Variants in ADGRB3 observed in about 807,000 individuals in gnomAD.
ADGRB3 encodes brain-specific angiogenesis inhibitor 3.
A neutral mutation model predicts 193.4 loss-of-function variants in ADGRB3; 37 were observed. The ratio of observed to expected loss-of-function variants is 0.19; its 90% CI spans 0.15 to 0.25. The LOEUF (loss-of-function observed/expected upper bound fraction) is 0.25, where lower values mean the gene tolerates loss of function less well. Among genes scored for constraint, ADGRB3 ranks in the 10% least tolerant of loss-of-function variants. The pLI, the probability that ADGRB3 is intolerant of heterozygous loss-of-function variation, is 1.00. For missense variants in ADGRB3, 1,637 were observed against 1,852.9 expected (o/e 0.88, Z 2.14); for synonymous variants, 690 against 644.2 (o/e 1.07, Z -1.08).
intron 3 of ADGRB3, among the ~76,000 whole-genome samples, chr6:68,646,809 G>C (rs912829311): frequency 1.2e-4 from 18 of 152,186 alleles, no homozygotes; most frequent in African/African-American, 3.9e-4. Flanking sequence ...GTAAGAGTGT[G>C]TGTGTTGTGG....
At chr6:68,898,940 A>G (rs1033831682) in intron 3 of ADGRB3, among the ~76,000 whole-genome samples, 2 of 152,186 alleles carry the variant, frequency 1.3e-5, no homozygotes, top group South Asian at 2.1e-4. Context: ...GAAGACATGA[A>G]TACTAAATCT....
At chr6:68,982,505 T>C (rs2150269441) in intron 10 of ADGRB3, among the ~76,000 whole-genome samples, 1 of 152,288 alleles carries the variant, frequency 6.6e-6, no homozygotes, top group African/African-American at 2.4e-5. Context: ...CAGAGGGAGA[T>C]TCAGCTCAGC....
intron 6 of ADGRB3, among the ~76,000 whole-genome samples, chr6:68,951,549 G>A (rs1387037204): frequency 6.6e-6 from 1 of 152,124 alleles, no homozygotes; most frequent in African/African-American, 2.4e-5. Context: ...GCGCAGTTGA[G>A]CAATGCCAAT....
intron 3 of ADGRB3, among the ~76,000 whole-genome samples, chr6:68,830,972 A>G (rs1482916165): frequency 6.6e-6 from 1 of 150,926 alleles, no homozygotes; most frequent in Non-Finnish European, 1.5e-5. Flanking sequence ...AAAAAAAGAG[A>G]ATGCTGAAAA....
intron 3 of ADGRB3, among the ~76,000 whole-genome samples, chr6:68,901,775 A>G (rs944194980): frequency 2.1e-4 from 32 of 152,174 alleles, no homozygotes; most frequent in Admixed American, 7.9e-4. Flanking sequence ...AAAGCAGAGA[A>G]CAAAATTATG....
chr6:68,801,383 A>G (rs997795541), intron 3 of ADGRB3, among the ~76,000 whole-genome samples: 14 of 152,132 alleles, frequency 9.2e-5, no homozygotes, highest in African/African-American at 2.9e-4. Context: ...TAGTTCCCCA[A>G]CACTTCTTAA....
At position 69,257,862 on chromosome 6, in the gene ADGRB3, C is replaced by A. The variant is rs1243264120; in HGVS notation, c.2814+18636C>A. Among the ~76,000 whole-genome samples the A allele has an allele frequency of 2.0e-5, 3 of 152,184 alleles. No homozygotes were observed. The South Asian group carries it at 6.2e-4, about 31-fold the overall frequency. On this transcript the variant is annotated intron_variant, in intron 20 of 31. Transcript: ENST00000370598. ...ATGCACATCAAGGGAAAACTAGATT[C>A]TTCAGGGTATCATGCAGTGTAGCTC...
chr6:69,311,245 A>G (rs1768184970), intron 20 of ADGRB3, among the ~76,000 whole-genome samples: 1 of 151,776 alleles, frequency 6.6e-6, no homozygotes, highest in Non-Finnish European at 1.5e-5. Flanking sequence ...GAAGTCAAAC[A>G]GGGAAGGAGA....
chr6:68,986,268 A>T (rs749768367), intron 10 of ADGRB3, among the ~76,000 whole-genome samples: 11 of 152,144 alleles, frequency 7.2e-5, no homozygotes, highest in Non-Finnish European at 1.3e-4. Flanking sequence ...CTCTCACTTC[A>T]GATATTCCTC....
intron 10 of ADGRB3, among the ~76,000 whole-genome samples, chr6:68,986,700 C>T (rs185184234): frequency 1.3e-5 from 2 of 152,184 alleles, no homozygotes; most frequent in Admixed American, 6.6e-5. Flanking sequence ...GAAAAAAGCT[C>T]TATGTATAAT....
intron 3 of ADGRB3, among the ~76,000 whole-genome samples, chr6:68,842,110 T>A (rs1768170052): frequency 6.6e-6 from 1 of 151,980 alleles, no homozygotes; most frequent in Non-Finnish European, 1.5e-5. Context: ...CATGCCTATA[T>A]CAAAGTATTT....
At chr6:69,007,006 C>T (rs546881991) in intron 11 of ADGRB3, among the ~76,000 whole-genome samples, 1 of 152,128 alleles carries the variant, frequency 6.6e-6, no homozygotes, top group Admixed American at 6.5e-5. Flanking sequence ...TGTAGTTAAA[C>T]CTGCCCACTG....
At chr6:69,304,588 T>A (rs1768024744) in intron 20 of ADGRB3, among the ~76,000 whole-genome samples, 1 of 151,630 alleles carries the variant, frequency 6.6e-6, no homozygotes, top group Non-Finnish European at 1.5e-5. Context: ...CTTTGACAGT[T>A]ATATTTTGTC....
intron 3 of ADGRB3, among the ~76,000 whole-genome samples, chr6:68,766,133 C>G (rs996889484): frequency 2.6e-5 from 4 of 151,904 alleles, no homozygotes; most frequent in Non-Finnish European, 5.9e-5. Flanking sequence ...TTGGCCACCT[C>G]AATTGTGGTT....
At chr6:69,058,248 T>G (rs1349794229) in intron 15 of ADGRB3, among the ~76,000 whole-genome samples, 1 of 151,968 alleles carries the variant, frequency 6.6e-6, no homozygotes, top group African/African-American at 2.4e-5. Context: ...TAGCTGTCTC[T>G]TATGATACTA....
intron 20 of ADGRB3, among the ~76,000 whole-genome samples, chr6:69,266,382 T>C (rs1297879763): frequency 5.3e-5 from 8 of 151,950 alleles, no homozygotes; most frequent in African/African-American, 1.7e-4. Context: ...TTAGGGAAAA[T>C]AGCCTCAAGT....
At position 68,650,717 on chromosome 6, in the gene ADGRB3, ACAAT is replaced by A. The variant is rs1408401613; in HGVS notation, c.757+11289_757+11292del. Among the ~76,000 whole-genome samples the A allele has an allele frequency of 9.2e-5, 14 of 152,284 alleles. No individual in the cohort carries two copies. In the South Asian group the frequency reaches 1.7e-3, roughly 18 times the overall value. ...TATCTTCTTCGTTTTATTCCGGAAAACAATCAAGGCAACTAAGTTTTCCTTTATA... is the reference window on the plus strand; with the variant it reads ...TATCTTCTTCGTTTTATTCCGGAAAACAAGGCAACTAAGTTTTCCTTTATA... On this transcript the variant is annotated intron_variant, in intron 3 of 31. Coordinates refer to ENST00000370598, the MANE Select transcript of ADGRB3 (RefSeq NM_001704.3).
At chr6:69,331,394 TA>T in intron 23 of ADGRB3, 1 of 279,580 alleles carries the variant, frequency 3.6e-6, no homozygotes, top group Non-Finnish European at 5.4e-6. Context: ...CTGTCTAAAT[TA>T]AATATAAATA....
intron 3 of ADGRB3, among the ~76,000 whole-genome samples, chr6:68,700,895 A>C (rs1408819115): frequency 2.0e-5 from 3 of 151,760 alleles, no homozygotes; most frequent in African/African-American, 7.3e-5. Flanking sequence ...GGGTGCAGCA[A>C]ACCAACATGG....
Sources: allele counts gnomAD v4.1 joint callset (sites outside exome capture counted in the v4.1 genomes callset), GRCh38; gene constraint gnomAD v4.1.1; transcripts MANE v1.5; gene names NCBI Gene and HGNC (gene_info 2026-07-23, HGNC 2026-07-21).